Variants in ATP11C observed in about 807,000 individuals in gnomAD.
ATP11C encodes the protein ATPase phospholipid transporting 11C (ATP11C blood group), also known as phospholipid-transporting ATPase IG.
In ATP11C, 36 loss-of-function variants were observed where a neutral mutation model predicts 97.4. The observed-to-expected ratio is 0.37, with a 90% CI of 0.28 to 0.49. The LOEUF is 0.49. Among genes scored for constraint, ATP11C ranks in the 20% least tolerant of loss-of-function variants. The pLI, the probability that ATP11C is intolerant of heterozygous loss-of-function variation, is 0.98. For missense variants in ATP11C, 730 were observed against 824.6 expected (o/e 0.89, Z 1.40); for synonymous variants, 275 against 290.9 (o/e 0.95, Z 0.56).
chrX:139,812,607 C>T (rs965816680), intron 5 of ATP11C, among the ~76,000 whole-genome samples: 2 of 106,843 alleles, frequency 1.9e-5, no homozygotes, highest in African/African-American at 6.9e-5. Flanking sequence ...TGCAGTGGCT[C>T]GATCTCGGAT....
At chrX:139,842,714 G>A (rs2083853469) in intron 1 of ATP11C, among the ~76,000 whole-genome samples, 1 of 112,320 alleles carries the variant, frequency 8.9e-6, no homozygotes, top group South Asian at 3.7e-4. Flanking sequence ...TAATGTGTCT[G>A]AGCGTTGGGT....
At chrX:139,771,633 G>C (rs1297244783) in intron 19 of ATP11C, among the ~76,000 whole-genome samples, 1 of 111,663 alleles carries the variant, frequency 9.0e-6, no homozygotes, top group East Asian at 2.8e-4. Context: ...CTCAGACAGA[G>C]ATGAGGAACT....
At chrX:139,737,124 T>G (rs962296956) in intron 28 of ATP11C, among the ~76,000 whole-genome samples, 4 of 111,214 alleles carry the variant, frequency 3.6e-5, no homozygotes, top group Non-Finnish European at 7.6e-5. Flanking sequence ...GAAACAGTTT[T>G]GTTTAATAAA....
intron 23 of ATP11C, among the ~76,000 whole-genome samples, chrX:139,754,711 A>G (rs1424875024): frequency 8.9e-6 from 1 of 112,545 alleles, no homozygotes. Context: ...AAATCAATAA[A>G]TGTGATTTAT....
chrX:139,757,766 CA>C (rs1379606839), intron 23 of ATP11C, 41 bp downstream of exon 23: 1 of 959,054 alleles, frequency 1.0e-6, no homozygotes, highest in South Asian at 2.6e-5. Context: ...TTATTAACAG[CA>C]AATGTAAACT....
chrX:139,885,071 T>C (rs765812193), intron 1 of ATP11C, among the ~76,000 whole-genome samples: 3 of 111,285 alleles, frequency 2.7e-5, no homozygotes, highest in South Asian at 7.7e-4. Context: ...AGATTTTAGA[T>C]GGCAATGAAA....
intron 19 of ATP11C, 96 bp from the exon 20 acceptor site, chrX:139,768,530 T>C (rs2082183069): frequency 1.2e-5 from 7 of 561,895 alleles, no homozygotes; most frequent in Non-Finnish European, 1.8e-5. Flanking sequence ...TGGTCTCAGA[T>C]AAGGGGAGTC....
intron 20 of ATP11C, among the ~76,000 whole-genome samples, chrX:139,763,819 T>C (rs2082083936): frequency 8.9e-6 from 1 of 112,242 alleles, no homozygotes; most frequent in East Asian, 2.8e-4. Context: ...GGGCCAACTG[T>C]AATATGTACA....
chrX:139,739,545 T>G (rs926441326), intron 27 of ATP11C, among the ~76,000 whole-genome samples: 1 of 111,201 alleles, frequency 9.0e-6, no homozygotes, highest in Admixed American at 9.6e-5. Context: ...ATTCATGCAG[T>G]GGCTCAACTC....
At chrX:139,769,948 T>C (rs377112507) in intron 19 of ATP11C, among the ~76,000 whole-genome samples, 1 of 112,084 alleles carries the variant, frequency 8.9e-6, no homozygotes, top group African/African-American at 3.2e-5. Context: ...TCATCATTCC[T>C]TTATTCCATA....
chrX:139,871,905 A>T (rs555256463), intron 1 of ATP11C, among the ~76,000 whole-genome samples: 1 of 111,486 alleles, frequency 9.0e-6, no homozygotes. Flanking sequence ...TCAAATTTTT[A>T]AAATCATATA....
At chrX:139,831,524 A>T (rs2083649441) in intron 1 of ATP11C, among the ~76,000 whole-genome samples, 1 of 111,410 alleles carries the variant, frequency 9.0e-6, no homozygotes, top group East Asian at 2.8e-4. Context: ...TGAGCAGTTT[A>T]ATTTCACCAG....
chrX:139,758,366 C>T (rs888694738), intron 22 of ATP11C, among the ~76,000 whole-genome samples: 1 of 111,860 alleles, frequency 8.9e-6, no homozygotes, highest in Non-Finnish European at 1.9e-5. Context: ...GCATCTACTA[C>T]ACACAAAGGT....
At chrX:139,751,794 A>AC (rs2081822682) in intron 23 of ATP11C, among the ~76,000 whole-genome samples, 1 of 110,019 alleles carries the variant, frequency 9.1e-6, no homozygotes. Flanking sequence ...TTAAAAAAAA[A>AC]AAAAAGACAT....
chrX:139,728,915 G>T lies in ATP11C; in HGVS notation c.*51C>A. ...GCTTTCTTTTTTAGCTGTAACCACT[G>T]TCAGTATGCTTGTAGGACAATAACA... On this transcript the variant is annotated 3_prime_UTR_variant, in exon 30 of 30. Coordinates refer to ENST00000682941, the MANE Select transcript of ATP11C (RefSeq NM_001353812.2). 1 of 1,203,470 alleles carries T rather than the reference G, an allele frequency of 8.3e-7. No homozygotes were observed. The highest frequency in any genetic ancestry group is 1.8e-5 in the South Asian group (1 of 55,962).
At chrX:139,831,082 A>G (rs1416050983) in intron 1 of ATP11C, among the ~76,000 whole-genome samples, 2 of 111,803 alleles carry the variant, frequency 1.8e-5, no homozygotes, top group African/African-American at 3.3e-5. Flanking sequence ...ATTTACAATC[A>G]TAACTCTAAA....
intron 1 of ATP11C, among the ~76,000 whole-genome samples, chrX:139,863,778 T>C (rs1189584134): frequency 9.0e-6 from 1 of 110,945 alleles, no homozygotes; most frequent in East Asian, 2.9e-4. Flanking sequence ...CAAGTATTAG[T>C]GGGCTGGGTG....
At chrX:139,933,564 G>A (rs1296282870), upstream of ATP11C, among the ~76,000 whole-genome samples, 2 of 112,311 alleles carry the variant, frequency 1.8e-5, no homozygotes, top group East Asian at 5.6e-4. Context: ...CTTAAGGCGG[G>A]GCCCAAGGCT....
intron 1 of ATP11C, among the ~76,000 whole-genome samples, chrX:139,901,757 C>A (rs1373625525): frequency 9.0e-6 from 1 of 111,647 alleles, no homozygotes; most frequent in Non-Finnish European, 1.9e-5. Context: ...AGCAAGATAT[C>A]CTTAGTGTAA....
Sources: gnomAD v4.1 joint callset for allele counts (sites outside exome capture counted in the v4.1 genomes callset) on GRCh38, gnomAD v4.1.1 for gene constraint, MANE v1.5 for transcripts, NCBI Gene and HGNC (gene_info 2026-07-23, HGNC 2026-07-21) for gene names.